Variants in NCAPD3 observed in about 807,000 individuals in gnomAD.
NCAPD3 encodes the protein non-SMC condensin II complex subunit D3, also known as condensin-2 complex subunit D3.
NCAPD3 carries 105 observed loss-of-function variants against 182.9 expected under a neutral mutation model. That is an observed-to-expected ratio of 0.57 (90% CI 0.49 to 0.68). The LOEUF is 0.68. Ranked by LOEUF, NCAPD3 falls within the 30% of genes least tolerant of loss-of-function variation. The probability of loss-of-function intolerance (pLI) is 0.00; values close to 1 mark genes in which losing one functional copy is unlikely to be tolerated. For synonymous variants in NCAPD3, 815 were observed against 679.9 expected, an observed-to-expected ratio of 1.20 and a Z score of -3.09; for missense variants, 1,944 against 1,837.0, an observed-to-expected ratio of 1.06 and a Z score of -1.07.
intron 28 of NCAPD3, 30 bp from the exon 29 acceptor site, chr11:134,160,104 G>A (rs750088477): frequency 6.2e-7 from 1 of 1,606,022 alleles, no homozygotes; most frequent in African/African-American, 1.3e-5. Context: ...ATCCTTTCAT[G>A]TTTTCTTGAA....
rs1944382372 is a variant in NCAPD3 at position 134,185,381 on chromosome 11, T to C, written c.2191A>G (p.Arg731Gly). Residue 731 changes from arginine (R) to glycine (G), a missense_variant, in exon 17 of 35, where the codon AGG becomes GGG. Physicochemically the swap from Arg to Gly is moderately radical, Grantham distance 125. Around this residue, in one of 3 missense-constraint regions of NCAPD3, gnomAD observed 1,803 missense variants for 1,674.6 expected, o/e 1.08. Coordinates refer to ENST00000534548, the MANE Select transcript of NCAPD3 (RefSeq NM_015261.3). ...LLSKIAGSSP[R>G]LDYSRIIQSW... ...TGTATTATTCTGCTGTAGTCCAGCC[T>C]GGGTGAGGAGCCAGCAATCTTGGAG... 1 of 1,613,662 alleles carries C rather than the reference T, an allele frequency of 6.2e-7. No individual in the cohort carries two copies. The highest frequency in any genetic ancestry group is 8.5e-7 in the Non-Finnish European group (1 of 1,179,868).
intron 1 of NCAPD3, among the ~76,000 whole-genome samples, chr11:134,221,428 G>A (rs778473439): frequency 1.3e-4 from 20 of 151,608 alleles, no homozygotes; most frequent in Non-Finnish European, 2.5e-4. Context: ...ACAACATGCA[G>A]GTTTGTTACA....
chr11:134,168,015 T>C lies in NCAPD3; in HGVS notation c.3554A>G (p.Gln1185Arg), dbSNP rs977012379. The change falls in exon 27 of 35, where the codon CAG becomes CGG. Residue 1185 changes from glutamine to arginine, a missense_variant. By Grantham distance (43) the Gln-to-Arg change is conservative. Coordinates refer to ENST00000534548, the MANE Select transcript of NCAPD3 (RefSeq NM_015261.3). Reference protein sequence around the residue: ...ALANVVMQEAQKKLISQVQKR... With the variant: ...ALANVVMQEARKKLISQVQKR... Reference sequence around the variant, plus strand: ...ACTCACTTGTGAGATGAGCTTCTTCTGAGCTTCCTGCATGACTACATTTGC... The same window carrying C: ...ACTCACTTGTGAGATGAGCTTCTTCCGAGCTTCCTGCATGACTACATTTGC... 6.2e-7 allele frequency: 1 copy of C among 1,613,978 alleles called. No individual in the cohort carries two copies.
rs772725081 is a variant in NCAPD3 at position 134,209,376 on chromosome 11, A to C, written c.669T>G (p.Phe223Leu). 12 of 1,614,170 alleles carry C rather than the reference A, an allele frequency of 7.4e-6. No individual in the cohort carries two copies. Among genetic ancestry groups the C allele is most frequent in the Non-Finnish European group, 1.0e-5 (12 of 1,180,022 alleles). ...RNAIFHLLKN[F>L]LRLLPKFSLK... ...AGGAAAACTTTGGCAGAAGCCTTAAAAAATTCTTTAAAAGGTGAAAGATGG... is the reference window on the plus strand; with the variant it reads ...AGGAAAACTTTGGCAGAAGCCTTAACAAATTCTTTAAAAGGTGAAAGATGG... The change falls in exon 5 of 35, where the codon TTT becomes TTG. Residue 223 changes from phenylalanine to leucine, a missense_variant. Physicochemically the swap from Phe to Leu is conservative, Grantham distance 22 (BLOSUM62 0). Coordinates refer to ENST00000534548, the MANE Select transcript of NCAPD3 (RefSeq NM_015261.3).
At chr11:134,153,807 G>A (rs1008370870) in intron 32 of NCAPD3, 74 of 205,404 alleles carry the variant, frequency 3.6e-4, no homozygotes, top group Non-Finnish European at 2.2e-4. Context: ...TGGAAATATG[G>A]CACCGTGAGC....
At chr11:134,155,090 A>G (rs926672415) in intron 32 of NCAPD3, among the ~76,000 whole-genome samples, 6 of 152,208 alleles carry the variant, frequency 3.9e-5, no homozygotes, top group Non-Finnish European at 7.3e-5. Context: ...GTAGAATCGA[A>G]GGCAGCAGCG....
chr11:134,152,473 T>C lies in NCAPD3; in HGVS notation c.*471A>G, dbSNP rs1175802307. On this transcript the variant is annotated 3_prime_UTR_variant, in exon 35 of 35. Coordinates refer to ENST00000534548, the MANE Select transcript of NCAPD3 (RefSeq NM_015261.3). The stretch of plus-strand genomic sequence containing the variant: ...ATTTATGCTAAACCTTTATTACTTT[T>C]AGAAAGCTGTACACTTTTTTAAAAA... The C allele has an allele frequency of 6.6e-6, 1 of 152,532 alleles. No individual in the cohort carries two copies. Among genetic ancestry groups the C allele is most frequent in the Non-Finnish European group, 1.5e-5 (1 of 68,256 alleles). The allele number at this position is 152,532 out of a possible 1,614,324, so 9.4% of individuals were successfully genotyped here.
At chr11:134,174,792 C>T (rs749280871) in intron 24 of NCAPD3, among the ~76,000 whole-genome samples, 1 of 152,104 alleles carries the variant, frequency 6.6e-6, no homozygotes, top group Non-Finnish European at 1.5e-5. Flanking sequence ...CTAATTATCC[C>T]GATTTGATCA....
At chr11:134,209,636 T>C (rs1937752446) in intron 4 of NCAPD3, 159 bp from the exon 5 acceptor site, 3 of 629,970 alleles carry the variant, frequency 4.8e-6, no homozygotes, top group Non-Finnish European at 8.1e-6. Flanking sequence ...CTAGGTCTCC[T>C]TGGCCACAAC....
Position 134,178,906 on chromosome 11 carries a change from C to T in NCAPD3, c.2590G>A (p.Ala864Thr), listed in dbSNP as rs768316396. ...VKYIFTLGDI[A>T]QLCPARVEKR... ...TCCACCCTGGCTGGACACAGCTGGG[C>T]TATATCCCCTAAGGTAAAAATGTAC... is the stretch of plus-strand genomic sequence containing the variant. The change falls in exon 21 of 35, where the codon GCC (alanine) becomes ACC (threonine). Residue 864 changes from alanine (A) to threonine (T), a missense_variant. By Grantham distance (58) the Ala-to-Thr change is moderately conservative (BLOSUM62 0). Coordinates refer to ENST00000534548, the MANE Select transcript of NCAPD3 (RefSeq NM_015261.3). The T allele has an allele frequency of 7.1e-5, 115 of 1,613,928 alleles. No individual in the cohort carries two copies. Among genetic ancestry groups the T allele is most frequent in the Non-Finnish European group, 9.1e-5 (107 of 1,179,962 alleles).
chr11:134,198,832 G>C (rs867943761), intron 13 of NCAPD3, among the ~76,000 whole-genome samples: 4 of 152,076 alleles, frequency 2.6e-5, no homozygotes, highest in Non-Finnish European at 5.9e-5. Context: ...GAAATTAAGA[G>C]AGCAATTTAA....
intron 33 of NCAPD3, 25 bp from the exon 34 acceptor site, chr11:134,153,225 T>C (rs200314143): frequency 6.2e-7 from 1 of 1,613,960 alleles, no homozygotes; most frequent in East Asian, 2.2e-5. Context: ...AACAAACACA[T>C]TCAGCTTTCC....
intron 13 of NCAPD3, among the ~76,000 whole-genome samples, chr11:134,198,124 A>T (rs1342806324): frequency 6.6e-6 from 1 of 152,198 alleles, no homozygotes; most frequent in Non-Finnish European, 1.5e-5. Context: ...TCAGACCATG[A>T]CGGGATGTGG....
chr11:134,152,353 T>TAAC lies in NCAPD3; in HGVS notation c.*588_*590dup, dbSNP rs1007985693. ...TAGGGAAGATTTGGTTTCATTCCTC[T>TAAC]AACAAACAAACATGCTTTATGTAAA... On this transcript the variant is annotated 3_prime_UTR_variant, in exon 35 of 35. Coordinates refer to ENST00000534548, the MANE Select transcript of NCAPD3 (RefSeq NM_015261.3). The TAAC allele has an allele frequency of 2.6e-4, 40 of 152,244 alleles. No homozygotes were observed. The highest frequency in any genetic ancestry group is 9.4e-4 in the African/African-American group (39 of 41,474). 9.4% of individuals were successfully genotyped at this position (152,244 alleles called of 1,614,324 possible).
At position 134,176,309 on chromosome 11, in the gene NCAPD3, G is replaced by A. The variant is rs765670013; in HGVS notation, c.3099C>T (p.Ala1033=). 1 of 1,613,264 alleles carries A rather than the reference G, an allele frequency of 6.2e-7. No homozygotes were observed. The highest frequency in any genetic ancestry group is 8.5e-7 in the Non-Finnish European group (1 of 1,179,224). Reference sequence around the variant, plus strand: ...TCTGACGTGAGGAAAAGATTTACCTGGCAATGTCTGGGTGTGAATCGATCA... The same window carrying A: ...TCTGACGTGAGGAAAAGATTTACCTAGCAATGTCTGGGTGTGAATCGATCA... The part of the protein sequence containing the change: ...STLIDSHPDI[A]SFGEFCLAHL... Residue 1033 remains alanine (A), a splice_region_variant and synonymous_variant, in exon 24 of 35, where the codon GCC becomes GCT. Coordinates refer to ENST00000534548, the MANE Select transcript of NCAPD3 (RefSeq NM_015261.3).
At chr11:134,207,730 G>A (rs541904678) in intron 7 of NCAPD3, among the ~76,000 whole-genome samples, 10 of 126,558 alleles carry the variant, frequency 7.9e-5, no homozygotes, top group African/African-American at 2.2e-4. Context: ...GTGTCAGAGC[G>A]AGACTGCGTC....
chr11:134,223,422 G>C lies in NCAPD3; in HGVS notation c.64+441C>G, dbSNP rs910472733. The C allele has an allele frequency of 5.7e-6, 4 of 702,370 alleles. No individual in the cohort carries two copies. The African/African-American group carries it at 7.0e-5, about 12-fold the overall frequency. The allele number at this position is 702,370 out of a possible 1,614,324, so 43.5% of individuals were successfully genotyped here. On this transcript the variant is annotated intron_variant, in intron 1 of 34. Coordinates refer to ENST00000534548, the MANE Select transcript of NCAPD3 (RefSeq NM_015261.3). The stretch of plus-strand genomic sequence containing the variant: ...GGATGGTGCCATTAGCAGGCTTTGG[G>C]AATCCCATTTTCACTCATGTGACGT...
chr11:134,201,317 G>T (rs754510191), intron 13 of NCAPD3, among the ~76,000 whole-genome samples: 2 of 152,086 alleles, frequency 1.3e-5, no homozygotes, highest in East Asian at 1.9e-4. Context: ...GAGCCACCAC[G>T]CCTGGCCCAG....
At chr11:134,156,789 G>C in intron 32 of NCAPD3, 1 of 410,448 alleles carries the variant, frequency 2.4e-6, no homozygotes, top group Non-Finnish European at 4.4e-6. Context: ...GCGGGCCACT[G>C]TGGTGTTTGA....
Sources: allele counts gnomAD v4.1 joint callset (sites outside exome capture counted in the v4.1 genomes callset), GRCh38; gene constraint gnomAD v4.1.1; regional missense constraint gnomAD v4.1.1; transcripts MANE v1.5; gene names NCBI Gene and HGNC (gene_info 2026-07-23, HGNC 2026-07-21).